The following MALRD1 variants were observed in gnomAD, a reference collection of about 807,000 sequenced individuals.
The protein encoded by MALRD1 is MAM and LDL receptor class A domain containing 1, also known as MAM and LDL-receptor class A domain-containing protein 1.
Under a neutral mutation model 242.1 loss-of-function variants are expected in MALRD1, and 247 were observed. The observed-to-expected ratio is 1.02, with a 90% CI of 0.92 to 1.13. The LOEUF (loss-of-function observed/expected upper bound fraction) is 1.13, where lower values mean the gene tolerates loss of function less well. Ranked by LOEUF, MALRD1 falls within the 50% of genes most tolerant of loss-of-function variation. The pLI, the probability that MALRD1 is intolerant of heterozygous loss-of-function variation, is 0.00. For synonymous variants in MALRD1, 995 were observed against 866.6 expected (o/e 1.15, Z -2.60); for missense variants, 2,989 against 2,533.1 (o/e 1.18, Z -3.86).
intron 38 of MALRD1, among the ~76,000 whole-genome samples, chr10:19,694,692 A>G (rs1833284293): frequency 6.6e-6 from 1 of 152,226 alleles, no homozygotes; most frequent in Non-Finnish European, 1.5e-5. Flanking sequence ...AGAACTAGAA[A>G]TACCATTTGA....
chr10:19,556,357 A>C (rs1835716348), intron 32 of MALRD1, among the ~76,000 whole-genome samples: 1 of 152,086 alleles, frequency 6.6e-6, no homozygotes, highest in Admixed American at 6.5e-5. Context: ...GATTTTGACA[A>C]ATGTATGACC....
intron 31 of MALRD1, among the ~76,000 whole-genome samples, chr10:19,507,943 G>C (rs1472312678): frequency 6.6e-6 from 1 of 152,132 alleles, no homozygotes; most frequent in Non-Finnish European, 1.5e-5. Context: ...CACTATTCTA[G>C]GTGCTTGGAA....
At position 19,453,460 on chromosome 10, in the gene MALRD1, T is replaced by A. The variant is rs1345083217; in HGVS notation, c.5029+2970T>A. ...TTATAGTGATCATTGTACAACTTCA[T>A]AAACATATTAGAAACATTAAATGTT... is the stretch of plus-strand genomic sequence containing the variant. On this transcript the variant is annotated intron_variant, in intron 29 of 39. Transcript: ENST00000454679. 2.0e-5 allele frequency among the ~76,000 whole-genome samples: 3 copies of A among 152,182 alleles called. No homozygotes were observed. In the South Asian group the frequency reaches 6.2e-4, roughly 32 times the overall value.
At chr10:19,514,651 A>G (rs1471870803) in intron 31 of MALRD1, among the ~76,000 whole-genome samples, 1 of 152,180 alleles carries the variant, frequency 6.6e-6, no homozygotes, top group Admixed American at 6.5e-5. Flanking sequence ...AAAGGTACAT[A>G]GTTATAGGAA....
At chr10:19,462,850 T>A (rs2358397) in intron 29 of MALRD1, among the ~76,000 whole-genome samples, 123,724 of 151,832 alleles carry the variant, frequency 0.81, 50,596 homozygotes, top group East Asian at 1. Context: ...AATTCAAGAG[T>A]TTGCTTTAGC....
intron 31 of MALRD1, among the ~76,000 whole-genome samples, chr10:19,499,797 T>A (rs1837888784): frequency 6.6e-6 from 1 of 152,166 alleles, no homozygotes; most frequent in Non-Finnish European, 1.5e-5. Context: ...GCACATTAAT[T>A]TTATTATTTA....
At chr10:19,516,793 T>C (rs962490288) in intron 31 of MALRD1, among the ~76,000 whole-genome samples, 2 of 150,366 alleles carry the variant, frequency 1.3e-5, no homozygotes, top group South Asian at 2.2e-4. Flanking sequence ...TTCTCCTCCT[T>C]CTCCTTCATC....
intron 34 of MALRD1, among the ~76,000 whole-genome samples, chr10:19,598,046 AC>A (rs1838185565): frequency 6.6e-6 from 1 of 152,142 alleles, no homozygotes; most frequent in Admixed American, 6.6e-5. Flanking sequence ...AATCCTCACC[AC>A]CCTGCCACCA....
At chr10:19,275,542 G>A (rs184733702) in intron 19 of MALRD1, among the ~76,000 whole-genome samples, 76 of 152,190 alleles carry the variant, frequency 5.0e-4, no homozygotes, top group Admixed American at 4.6e-3. Flanking sequence ...GGTGGCGGGC[G>A]CCTGTAGTCC....
chr10:19,101,623 TAC>T (rs1836260586), intron 4 of MALRD1, among the ~76,000 whole-genome samples: 1 of 135,592 alleles, frequency 7.4e-6, no homozygotes, highest in Non-Finnish European at 1.5e-5. Context: ...TATACATATA[TAC>T]ATATGCAAAA....
rs148692321 is a variant in MALRD1, at chr10:19,250,554, G to T, written c.2992-7130G>T. On this transcript the variant is annotated intron_variant, in intron 18 of 39. Coordinates refer to ENST00000454679, the MANE Select transcript of MALRD1 (RefSeq NM_001142308.3). ...CTGATTCTTTTTAAAATTTACTTAG[G>T]CAGGTTTCAGGAAGGTATTGTTATA... 6.6e-5 allele frequency among the ~76,000 whole-genome samples: 10 copies of T among 151,966 alleles called. No homozygotes were observed. In the East Asian group the frequency reaches 1.9e-3, roughly 29 times the overall value.
At position 19,458,633 on chromosome 10, in the gene MALRD1, G is replaced by T. The variant is rs535558253; in HGVS notation, c.5029+8143G>T. Among the ~76,000 whole-genome samples the T allele has an allele frequency of 9.9e-5, 15 of 152,168 alleles. No homozygotes were observed. In the South Asian group the frequency reaches 3.1e-3, roughly 32 times the overall value. On this transcript the variant is annotated intron_variant, in intron 29 of 39. Transcript: ENST00000454679. ...CCGCATGTTTCCCTTTTAGTTAAAC[G>T]GGTCAATAAGAATCAGAATTGGCCA... is the stretch of plus-strand genomic sequence containing the variant.
chr10:19,607,235 G>A lies in MALRD1; in HGVS notation c.5945-542G>A, dbSNP rs150490819. Among the ~76,000 whole-genome samples the A allele has an allele frequency of 1.2e-3, 186 of 152,244 alleles. 1 individual carries two copies. Among genetic ancestry groups the A allele is most frequent in the African/African-American group, 3.2e-3 (135 of 41,572 alleles). On this transcript the variant is annotated intron_variant, in intron 34 of 39. Coordinates refer to ENST00000454679, the MANE Select transcript of MALRD1 (RefSeq NM_001142308.3). ...CATGTATTAGTCAGCACAGGCTGCC[G>A]TAAGAAAATAACACCCACTGGATAG... is the stretch of plus-strand genomic sequence containing the variant.
At chr10:19,259,404 A>G (rs1839650359) in intron 19 of MALRD1, among the ~76,000 whole-genome samples, 1 of 152,106 alleles carries the variant, frequency 6.6e-6, no homozygotes, top group East Asian at 1.9e-4. Context: ...GATTTAACTG[A>G]CTCACAGTTC....
intron 11 of MALRD1, among the ~76,000 whole-genome samples, chr10:19,154,213 C>T (rs1834044916): frequency 6.6e-6 from 1 of 152,214 alleles, no homozygotes; most frequent in Non-Finnish European, 1.5e-5. Flanking sequence ...GATGACACTG[C>T]TGCCTCACAT....
At chr10:19,176,366 C>CTTATTTTTTTTTTTTTTTTTTTTT (rs1835237160) in intron 14 of MALRD1, among the ~76,000 whole-genome samples, 1 of 87,296 alleles carries the variant, frequency 1.1e-5, no homozygotes, top group Non-Finnish European at 2.3e-5. Flanking sequence ...TTTCTGGGTG[C>CTTATTTTTTTTTTTTTTTTTTTTT]TTTTTTTTTT....
chr10:19,358,027 T>C (rs1844712089), intron 26 of MALRD1, among the ~76,000 whole-genome samples: 1 of 152,120 alleles, frequency 6.6e-6, no homozygotes, highest in Non-Finnish European at 1.5e-5. Context: ...TTTTGTTAAT[T>C]GCTAAATGAT....
intron 36 of MALRD1, among the ~76,000 whole-genome samples, chr10:19,616,525 A>G (rs1016382716): frequency 6.6e-6 from 1 of 152,032 alleles, no homozygotes; most frequent in Admixed American, 6.6e-5. Flanking sequence ...TGTGCAAAAC[A>G]GTTTCAAAAA....
At chr10:19,341,560 ATTT>A (rs1843878428) in intron 24 of MALRD1, among the ~76,000 whole-genome samples, 1 of 129,748 alleles carries the variant, frequency 7.7e-6, no homozygotes, top group African/African-American at 3.0e-5. Context: ...ACACACACGT[ATTT>A]TATACATACA....
Sources: allele counts gnomAD v4.1 joint callset (sites outside exome capture counted in the v4.1 genomes callset), GRCh38; gene constraint gnomAD v4.1.1; transcripts MANE v1.5; gene names NCBI Gene and HGNC (gene_info 2026-07-23, HGNC 2026-07-21).